The following ANP32A variants were observed in gnomAD, a reference collection of about 807,000 sequenced individuals.
ANP32A encodes acidic leucine-rich nuclear phosphoprotein 32 family member A.
In ANP32A, 1 loss-of-function variant was observed where a neutral mutation model predicts 33.9. That is an observed-to-expected ratio of 0.03 (90% CI 0.01 to 0.14). The LOEUF (loss-of-function observed/expected upper bound fraction) is 0.14. Among genes scored for constraint, ANP32A ranks in the 10% least tolerant of loss-of-function variants. The pLI is 1.00. For synonymous variants in ANP32A, 115 were observed against 120.5 expected (o/e 0.95, Z 0.30); for missense variants, 155 against 306.0 (o/e 0.51, Z 3.68).
chr15:68,783,121 A>T, intron 4 of ANP32A, 68 bp from the exon 5 acceptor site: 1 of 1,544,280 alleles, frequency 6.5e-7, no homozygotes. Context: ...CACACAGCAC[A>T]GGCCCCTTGT....
chr15:68,818,623 C>CAA (rs927954069), intron 1 of ANP32A, among the ~76,000 whole-genome samples: 18 of 151,928 alleles, frequency 1.2e-4, no homozygotes, highest in African/African-American at 3.9e-4. Flanking sequence ...CTCCCCAACA[C>CAA]ACACACACAC....
At chr15:68,819,135 G>A (rs963911173) in intron 1 of ANP32A, among the ~76,000 whole-genome samples, 8 of 152,228 alleles carry the variant, frequency 5.3e-5, no homozygotes, top group African/African-American at 1.7e-4. Context: ...CCTTCGCCGG[G>A]ATTCGGGTTT....
rs1239383458 is a variant in ANP32A at position 68,780,383 on chromosome 15, C to G, written c.688+27G>C. The G allele has an allele frequency of 1.9e-6, 3 of 1,613,946 alleles. No individual in the cohort carries two copies. The East Asian group carries it at 6.7e-5, about 36-fold the overall frequency. ...CAAAGTGAAAGGGCCAGGCTGCTAC[C>G]AGCTGAGAGTAAAAAGGCTGCCATA... On this transcript the variant is annotated intron_variant, in intron 6 of 6. Coordinates refer to ENST00000465139, the MANE Select transcript of ANP32A (RefSeq NM_006305.4). This position sits in a 1 kb window ranked among gnomAD's most constrained non-coding sequence, Gnocchi z 4.3.
rs908767533 is a variant in ANP32A, at chr15:68,781,415, CCT to C, written c.625-944_625-943del. On this transcript the variant is annotated intron_variant, in intron 5 of 6. Coordinates refer to ENST00000465139, the MANE Select transcript of ANP32A (RefSeq NM_006305.4). ...CCCCCCAAACCTCACATGCAGCACT[CCT>C]GTGACAGGAAGAGGAAGATGTAACA... The C allele has an allele frequency of 7.6e-5, 11 of 143,816 alleles. No homozygotes were observed. In the East Asian group the frequency reaches 1.2e-3, roughly 15 times the overall value. 8.9% of individuals were successfully genotyped at this position (143,816 alleles called of 1,614,324 possible).
intron 1 of ANP32A, among the ~76,000 whole-genome samples, chr15:68,796,403 C>T (rs530495332): frequency 2.0e-5 from 3 of 152,094 alleles, no homozygotes; most frequent in Admixed American, 6.5e-5. Context: ...TCAGTAGAGA[C>T]GGGGTTTCAC....
chr15:68,807,065 G>GT (rs1054204290), intron 1 of ANP32A, among the ~76,000 whole-genome samples: 2 of 152,258 alleles, frequency 1.3e-5, no homozygotes, highest in African/African-American at 4.8e-5. Context: ...GCACACCTAA[G>GT]TGAGTGCTAT....
At chr15:68,787,312 A>T (rs1446709609) in intron 3 of ANP32A, 101 bp downstream of exon 3, 2 of 1,545,090 alleles carry the variant, frequency 1.3e-6, no homozygotes, top group African/African-American at 2.7e-5. Flanking sequence ...GAGAGTCAAA[A>T]AAATTAAGTG....
chr15:68,780,962 G>A lies in ANP32A; in HGVS notation c.625-489C>T, dbSNP rs1893859348. The A allele has an allele frequency of 6.4e-6, 1 of 156,474 alleles. No homozygotes were observed. Among genetic ancestry groups the A allele is most frequent in the Admixed American group, 6.2e-5 (1 of 16,164 alleles). The allele number at this position is 156,474 out of a possible 1,614,324, so 9.7% of individuals were successfully genotyped here. On this transcript the variant is annotated intron_variant, in intron 5 of 6. Transcript: ENST00000465139. The surrounding 1 kb of genome is among the most constrained non-coding windows in gnomAD (Gnocchi z 4.3). ...TCTGTGGGCAAGTTCAACGTCACCT[G>A]ACCCAGCCCCTTCCCTAGCTTGCAA...
At chr15:68,797,044 G>A (rs1894072570) in intron 1 of ANP32A, among the ~76,000 whole-genome samples, 1 of 152,082 alleles carries the variant, frequency 6.6e-6, no homozygotes. Flanking sequence ...TAAGTGAAAT[G>A]GGAAACTCAA....
chr15:68,818,127 C>G lies in ANP32A; in HGVS notation c.54+2571G>C, dbSNP rs538417638. 12 of 156,762 alleles carry G rather than the reference C, an allele frequency of 7.7e-5. No individual in the cohort carries two copies. The South Asian group carries it at 2.0e-3, about 26-fold the overall frequency. The allele number at this position is 156,762 out of a possible 1,614,324, so 9.7% of individuals were successfully genotyped here. A position where few individuals can be genotyped will look rare whatever the true frequency, so the allele number is the denominator to read the frequency against. ...CAAGGCCGGCCCCGCGCGTACTGCA[C>G]CCCCGCCGCCCGCCTGCCAGCGCCC... On this transcript the variant is annotated intron_variant, in intron 1 of 6. Coordinates refer to ENST00000465139, the MANE Select transcript of ANP32A (RefSeq NM_006305.4).
chr15:68,808,368 C>T (rs986999484), intron 1 of ANP32A, among the ~76,000 whole-genome samples: 5 of 152,204 alleles, frequency 3.3e-5, no homozygotes, highest in African/African-American at 1.2e-4. Context: ...ACCTTCTTCC[C>T]TGCAGTGTAT....
chr15:68,809,488 T>C (rs1596074376), intron 1 of ANP32A, among the ~76,000 whole-genome samples: 1 of 152,346 alleles, frequency 6.6e-6, no homozygotes, highest in East Asian at 1.9e-4. Context: ...ATTTATATTT[T>C]TGGCGTTACA....
At chr15:68,815,445 T>G (rs547820269) in intron 1 of ANP32A, among the ~76,000 whole-genome samples, 2 of 152,232 alleles carry the variant, frequency 1.3e-5, no homozygotes, top group South Asian at 4.1e-4. Flanking sequence ...ACGAGACAAG[T>G]GGATTTCTTA....
intron 1 of ANP32A, among the ~76,000 whole-genome samples, chr15:68,814,225 T>G (rs937223829): frequency 6.6e-6 from 1 of 152,006 alleles, no homozygotes; most frequent in Non-Finnish European, 1.5e-5. Flanking sequence ...AGCTCTGGGA[T>G]GGACAGCTCT....
chr15:68,803,937 G>A (rs1375944810), intron 1 of ANP32A, among the ~76,000 whole-genome samples: 1 of 151,452 alleles, frequency 6.6e-6, no homozygotes, highest in Admixed American at 6.6e-5. Flanking sequence ...GAGTAGCTGG[G>A]ATTACAGGCG....
At chr15:68,804,464 A>G (rs966159281) in intron 1 of ANP32A, among the ~76,000 whole-genome samples, 1 of 152,252 alleles carries the variant, frequency 6.6e-6, no homozygotes, top group Non-Finnish European at 1.5e-5. Flanking sequence ...TGGCATGAAC[A>G]AACAGTTAAA....
At chr15:68,798,736 C>G (rs1045019541) in intron 1 of ANP32A, among the ~76,000 whole-genome samples, 4 of 152,216 alleles carry the variant, frequency 2.6e-5, no homozygotes, top group African/African-American at 9.6e-5. Context: ...TCCCCACCAC[C>G]ACCTTCCACA....
Position 68,779,940 on chromosome 15 carries a change from T to A in ANP32A, c.*141A>T. On this transcript the variant is annotated 3_prime_UTR_variant, in exon 7 of 7. Coordinates refer to ENST00000465139, the MANE Select transcript of ANP32A (RefSeq NM_006305.4). ...CCTCCCCCCGCAACCCCCAGTACAC[T>A]CTTCCCCTCTCGTTCCCACAGCAAC... 103 of 341,790 alleles carry A rather than the reference T, an allele frequency of 3.0e-4. No homozygotes were observed. Among genetic ancestry groups the A allele is most frequent in the Non-Finnish European group, 3.8e-4 (71 of 187,264 alleles). The allele number at this position is 341,790 out of a possible 1,614,324, so 21.2% of individuals were successfully genotyped here. A position where few individuals can be genotyped will look rare whatever the true frequency, so the allele number is the denominator to read the frequency against.
chr15:68,808,397 C>G (rs1894267357), intron 1 of ANP32A, among the ~76,000 whole-genome samples: 1 of 152,252 alleles, frequency 6.6e-6, no homozygotes, highest in South Asian at 2.1e-4. Context: ...CTCCATCACT[C>G]CAGCTCCACC....
Sources: gnomAD v4.1 joint callset for allele counts (sites outside exome capture counted in the v4.1 genomes callset) on GRCh38, gnomAD v4.1.1 for gene constraint, Gnocchi (gnomAD v3.1) non-coding constraint, MANE v1.5 for transcripts, NCBI Gene and HGNC (gene_info 2026-07-23, HGNC 2026-07-21) for gene names.